TENM2: variants seen among roughly 807,000 people sequenced by gnomAD.
TENM2 encodes the protein teneurin transmembrane protein 2.
TENM2 carries 52 observed loss-of-function variants against 245.2 expected under a neutral mutation model. That is an observed-to-expected ratio of 0.21 (90% CI 0.17 to 0.27). TENM2 has a LOEUF of 0.27. TENM2 is among the 10% of genes least tolerant of loss of function. The probability of loss-of-function intolerance (pLI) is 1.00; values close to 1 mark genes in which losing one functional copy is unlikely to be tolerated. For synonymous variants in TENM2, 1,363 were observed against 1,438.9 expected (o/e 0.95, Z 1.19); for missense variants, 3,046 against 3,666.8 (o/e 0.83, Z 4.37).
chr5:167,206,519 C>T, the TENM2 span, among the ~76,000 whole-genome samples: 2 of 152,282 alleles, frequency 1.3e-5, no homozygotes, highest in Admixed American at 1.3e-4. Flanking sequence ...TATCATGGAG[C>T]AAACACCTGT....
chr5:167,591,027 G>T (rs1286311839), intron 2 of TENM2, among the ~76,000 whole-genome samples: 1 of 152,084 alleles, frequency 6.6e-6, no homozygotes, highest in Non-Finnish European at 1.5e-5. Context: ...ATCTAATATG[G>T]TTGGTCTTTA....
intron 2 of TENM2, among the ~76,000 whole-genome samples, chr5:167,768,989 T>C (rs375531935): frequency 4.6e-5 from 7 of 152,228 alleles, no homozygotes; most frequent in Admixed American, 3.9e-4. Flanking sequence ...ATCAAAAATC[T>C]GAAATAGTGT....
chr5:167,301,167 C>T (rs1052876201), intron 1 of TENM2, among the ~76,000 whole-genome samples: 3 of 152,166 alleles, frequency 2.0e-5, no homozygotes, highest in Non-Finnish European at 4.4e-5. Context: ...GCCGCTAAGC[C>T]GAGAAGATCT....
chr5:167,178,412 G>T, the TENM2 span, among the ~76,000 whole-genome samples: 1 of 152,156 alleles, frequency 6.6e-6, no homozygotes, highest in Non-Finnish European at 1.5e-5. Context: ...CAAGGTGAAG[G>T]AAGTGAGTTT....
chr5:167,027,582 A>G, the TENM2 span, among the ~76,000 whole-genome samples: 8 of 152,222 alleles, frequency 5.3e-5, no homozygotes, highest in Non-Finnish European at 1.0e-4. Flanking sequence ...TATTTTTAGA[A>G]AAAGTACTTT....
chr5:167,238,183 G>A, the TENM2 span, among the ~76,000 whole-genome samples: 81 of 152,066 alleles, frequency 5.3e-4, no homozygotes, highest in Admixed American at 7.2e-4. Context: ...CCATAAGAGC[G>A]TTATACAATT....
intron 5 of TENM2, among the ~76,000 whole-genome samples, chr5:168,029,611 C>T (rs568314394): frequency 6.6e-6 from 1 of 152,306 alleles, no homozygotes; most frequent in South Asian, 2.1e-4. Context: ...AAACTGTGCA[C>T]CTGCTTCAGG....
intron 2 of TENM2, among the ~76,000 whole-genome samples, chr5:167,760,236 C>A (rs1762574371): frequency 6.6e-6 from 1 of 152,194 alleles, no homozygotes; most frequent in South Asian, 2.1e-4. Flanking sequence ...GAACCAGTTT[C>A]TTCTCTTCTA....
intron 1 of TENM2, among the ~76,000 whole-genome samples, chr5:167,319,725 G>A (rs569090565): frequency 1.3e-5 from 2 of 152,286 alleles, no homozygotes; most frequent in Admixed American, 6.5e-5. Flanking sequence ...GCTTTCAAAT[G>A]TATCTGCTTA....
chr5:167,809,343 C>A (rs1045062251), intron 2 of TENM2, among the ~76,000 whole-genome samples: 1 of 152,140 alleles, frequency 6.6e-6, no homozygotes, highest in Non-Finnish European at 1.5e-5. Flanking sequence ...TTTCTTCAAA[C>A]AGGGCCAGTT....
the TENM2 span, among the ~76,000 whole-genome samples, chr5:167,164,322 C>T: frequency 6.6e-6 from 1 of 152,222 alleles, no homozygotes; most frequent in African/African-American, 2.4e-5. Flanking sequence ...CCAGATTTTG[C>T]TGTAAGCACA....
chr5:167,501,025 C>T (rs535339477), intron 2 of TENM2, among the ~76,000 whole-genome samples: 1 of 152,234 alleles, frequency 6.6e-6, no homozygotes, highest in African/African-American at 2.4e-5. Context: ...CCTTCAGGAA[C>T]AGCCCCAATT....
intron 2 of TENM2, among the ~76,000 whole-genome samples, chr5:167,663,023 G>T (rs200727780): frequency 1.3e-5 from 2 of 151,958 alleles, no homozygotes; most frequent in Non-Finnish European, 2.9e-5. Context: ...CAATATTATG[G>T]ATAAATTATA....
At chr5:167,483,696 CAAAT>C (rs1294298024) in intron 2 of TENM2, among the ~76,000 whole-genome samples, 3 of 152,144 alleles carry the variant, frequency 2.0e-5, no homozygotes, top group South Asian at 2.1e-4. Flanking sequence ...AGGTTACAAA[CAAAT>C]AAACTGTCTC....
chr5:167,725,283 G>C (rs1204957216), intron 2 of TENM2, among the ~76,000 whole-genome samples: 2 of 151,910 alleles, frequency 1.3e-5, no homozygotes, highest in African/African-American at 4.8e-5. Flanking sequence ...GCTTTTGTTT[G>C]AGTATCTTCA....
intron 2 of TENM2, among the ~76,000 whole-genome samples, chr5:167,376,835 T>C (rs1760779915): frequency 6.6e-6 from 1 of 152,300 alleles, no homozygotes; most frequent in African/African-American, 2.4e-5. Flanking sequence ...GTTGAATCCA[T>C]TTACTGGTGT....
intron 2 of TENM2, among the ~76,000 whole-genome samples, chr5:167,535,603 A>G (rs1347943096): frequency 1.3e-5 from 2 of 152,174 alleles, no homozygotes; most frequent in African/African-American, 4.8e-5. Flanking sequence ...GCTTTATAAA[A>G]GGGCTGGGGG....
intron 2 of TENM2, among the ~76,000 whole-genome samples, chr5:167,482,453 T>TA (rs1425757402): frequency 1.3e-5 from 2 of 152,146 alleles, no homozygotes; most frequent in Non-Finnish European, 2.9e-5. Context: ...TAATATTATT[T>TA]AAAAAAATTA....
intron 2 of TENM2, among the ~76,000 whole-genome samples, chr5:167,445,311 T>TTTTATATATATATATATATATATA: frequency 1.4e-5 from 1 of 69,984 alleles, no homozygotes; most frequent in South Asian, 6.8e-4. Context: ...AACCATATGA[T>TTTTATATATATATATATATATATA]TATATATATA....
Sources: allele counts gnomAD v4.1 joint callset (sites outside exome capture counted in the v4.1 genomes callset), GRCh38; gene constraint gnomAD v4.1.1; transcripts MANE v1.5; gene names NCBI Gene and HGNC (gene_info 2026-07-23, HGNC 2026-07-21).